Variants in AMOTL1 observed in about 807,000 individuals in gnomAD.
AMOTL1 encodes the protein angiomotin like 1, also known as angiomotin-like protein 1.
In AMOTL1, 45 loss-of-function variants were observed where a neutral mutation model predicts 102.9. That is an observed-to-expected ratio of 0.44 (90% CI 0.34 to 0.56). AMOTL1 has a LOEUF of 0.56. Ranked by LOEUF, AMOTL1 falls within the 20% of genes least tolerant of loss-of-function variation. The probability of loss-of-function intolerance (pLI) is 0.01; values close to 1 mark genes in which losing one functional copy is unlikely to be tolerated. For missense variants in AMOTL1, 1,114 were observed against 1,225.6 expected, an observed-to-expected ratio of 0.91 and a Z score of 1.36; for synonymous variants, 481 against 484.7, an observed-to-expected ratio of 0.99 and a Z score of 0.10.
Position 94,870,776 on chromosome 11 carries a change from T to C in AMOTL1, c.2852T>C (p.Met951Thr). ...AAGCCCGAGTTCCCTGATGGAGAGA[T>C]GATGGAAGTCCTCATCTAACTGCCA... is the stretch of plus-strand genomic sequence containing the variant. ...LHKPEFPDGE[M>T]MEVLI The change falls in exon 13 of 13, where the codon ATG (methionine) becomes ACG (threonine). Residue 951 changes from methionine to threonine, a missense_variant. Met to Thr is a moderately conservative substitution (Grantham distance 81). Transcript: ENST00000433060. 6.3e-7 allele frequency: 1 copy of C among 1,599,304 alleles called. No individual in the cohort carries two copies. The highest frequency in any genetic ancestry group is 8.5e-7 in the Non-Finnish European group (1 of 1,171,624).
rs554729433 is a variant in AMOTL1, at chr11:94,733,471, T to C, written c.85+4416T>C. ...GGGCTACAGCAAGGTCTCCTGCTTC[T>C]CTTTCTACCACCCACACTATGCTGA... On this transcript the variant is annotated intron_variant, in intron 2 of 4. Transcript: ENST00000299004. Among the ~76,000 whole-genome samples the C allele has an allele frequency of 9.5e-4, 144 of 152,346 alleles. 1 individual carries two copies. Among genetic ancestry groups the C allele is most frequent in the Middle Eastern group, 3.4e-3 (1 of 294 alleles).
intron 2 of AMOTL1, among the ~76,000 whole-genome samples, chr11:94,796,308 G>T (rs1310983047): frequency 6.6e-6 from 1 of 152,174 alleles, no homozygotes; most frequent in Non-Finnish European, 1.5e-5. Context: ...AGAGCCTTAT[G>T]ATCAAAGTTG....
intron 1 of AMOTL1, among the ~76,000 whole-genome samples, chr11:94,773,195 G>T (rs1950979142): frequency 6.6e-6 from 1 of 152,138 alleles, no homozygotes; most frequent in South Asian, 2.1e-4. Flanking sequence ...AAGGTCTTTT[G>T]CAGATCAAAA....
At chr11:94,816,161 G>C (rs938455387) in intron 3 of AMOTL1, among the ~76,000 whole-genome samples, 1 of 152,062 alleles carries the variant, frequency 6.6e-6, no homozygotes, top group African/African-American at 2.4e-5. Flanking sequence ...GTATCTTGCT[G>C]TTTCAGCTTC....
chr11:94,725,343 G>A (rs1950239935), intron 1 of AMOTL1, among the ~76,000 whole-genome samples: 1 of 152,162 alleles, frequency 6.6e-6, no homozygotes, highest in South Asian at 2.1e-4. Flanking sequence ...GAAATTTCCA[G>A]AGAAGCTGAG....
At chr11:94,738,014 G>T (rs775065966) in intron 2 of AMOTL1, among the ~76,000 whole-genome samples, 1 of 152,216 alleles carries the variant, frequency 6.6e-6, no homozygotes, top group Non-Finnish European at 1.5e-5. Flanking sequence ...TAGTATGTCT[G>T]TATACTGACA....
At chr11:94,847,001 A>G (rs1023966136) in intron 6 of AMOTL1, among the ~76,000 whole-genome samples, 1 of 152,228 alleles carries the variant, frequency 6.6e-6, no homozygotes, top group Non-Finnish European at 1.5e-5. Flanking sequence ...TGACAACACT[A>G]CTTCCTATCA....
chr11:94,864,154 A>ATGGATGAT (rs1342329081), intron 9 of AMOTL1, among the ~76,000 whole-genome samples: 3 of 152,172 alleles, frequency 2.0e-5, no homozygotes, highest in Non-Finnish European at 2.9e-5. Flanking sequence ...TCTATGCTGT[A>ATGGATGAT]TGGATGATAA....
intron 6 of AMOTL1, among the ~76,000 whole-genome samples, chr11:94,840,287 A>T (rs1952270062): frequency 6.6e-6 from 1 of 152,170 alleles, no homozygotes; most frequent in Non-Finnish European, 1.5e-5. Flanking sequence ...ATCTTAATGG[A>T]TTCAGAGAAC....
intron 3 of AMOTL1, among the ~76,000 whole-genome samples, chr11:94,747,792 C>CCAGATTCTT (rs1950607446): frequency 6.6e-6 from 1 of 152,182 alleles, no homozygotes. Flanking sequence ...CTTCTAGGGG[C>CCAGATTCTT]TCAGATTCTT....
chr11:94,823,778 C>T (rs535190135), intron 4 of AMOTL1, among the ~76,000 whole-genome samples: 6 of 150,852 alleles, frequency 4.0e-5, no homozygotes, highest in Non-Finnish European at 8.8e-5. Flanking sequence ...TGCAGTGGCG[C>T]GATCTCGGCT....
chr11:94,823,083 A>C (rs2135635419), intron 4 of AMOTL1, among the ~76,000 whole-genome samples: 1 of 152,294 alleles, frequency 6.6e-6, no homozygotes, highest in African/African-American at 2.4e-5. Flanking sequence ...AGTGTTCATG[A>C]GTTAGTGGTG....
At chr11:94,778,739 C>T (rs1324117099) in intron 1 of AMOTL1, among the ~76,000 whole-genome samples, 1 of 152,188 alleles carries the variant, frequency 6.6e-6, no homozygotes, top group Non-Finnish European at 1.5e-5. Context: ...ATTCCTGGGA[C>T]TTCTGGGGCA....
At chr11:94,742,036 C>G (rs539793692) in intron 3 of AMOTL1, among the ~76,000 whole-genome samples, 5 of 152,298 alleles carry the variant, frequency 3.3e-5, no homozygotes, top group African/African-American at 1.2e-4. Flanking sequence ...GACTTTCATT[C>G]ATTTCTAGGA....
chr11:94,824,709 G>A (rs778417013), intron 4 of AMOTL1, among the ~76,000 whole-genome samples: 2 of 152,178 alleles, frequency 1.3e-5, no homozygotes, highest in Admixed American at 6.5e-5. Flanking sequence ...GCTTCTCAGG[G>A]ATGATAGCTG....
intron 1 of AMOTL1, among the ~76,000 whole-genome samples, chr11:94,716,574 G>C (rs188126175): frequency 1.3e-3 from 203 of 152,178 alleles, no homozygotes; most frequent in Non-Finnish European, 2.1e-3. Context: ...CAGAGTTCTT[G>C]CAATGCTAAT....
chr11:94,729,147 C>A, intron 2 of AMOTL1: 1 of 923,110 alleles, frequency 1.1e-6, no homozygotes, highest in Non-Finnish European at 1.5e-6. Context: ...CGTGCCCACG[C>A]TGTTTGTCTT....
chr11:94,738,641 A>G (rs1001504757), intron 2 of AMOTL1, among the ~76,000 whole-genome samples: 1 of 152,186 alleles, frequency 6.6e-6, no homozygotes, highest in East Asian at 1.9e-4. Flanking sequence ...TTGTGTTTTC[A>G]CCAGGTAAAT....
At chr11:94,756,548 A>T (rs982315581) in intron 3 of AMOTL1, among the ~76,000 whole-genome samples, 1 of 152,166 alleles carries the variant, frequency 6.6e-6, no homozygotes, top group Non-Finnish European at 1.5e-5. Context: ...GCGGGTCAGG[A>T]CCCCGTTAAA....
Sources: gnomAD v4.1 joint callset for allele counts (sites outside exome capture counted in the v4.1 genomes callset) on GRCh38, gnomAD v4.1.1 for gene constraint, MANE v1.5 for transcripts, NCBI Gene and HGNC (gene_info 2026-07-23, HGNC 2026-07-21) for gene names.